FAM178B: variants seen among roughly 807,000 people sequenced by gnomAD.
FAM178B encodes family with sequence similarity 178 member B, also known as protein FAM178B.
A neutral mutation model predicts 91.7 loss-of-function variants in FAM178B; 82 were observed. That is an observed-to-expected ratio of 0.89 (90% confidence interval 0.75 to 1.07). The LOEUF is 1.07. Ranked by LOEUF, FAM178B falls within the 50% of genes least tolerant of loss-of-function variation. The probability of loss-of-function intolerance (pLI) is 0.00; values close to 1 mark genes in which losing one functional copy is unlikely to be tolerated. For missense variants in FAM178B, 769 were observed against 846.7 expected, an observed-to-expected ratio of 0.91 and a Z score of 1.14; for synonymous variants, 368 against 359.4, an observed-to-expected ratio of 1.02 and a Z score of -0.27.
intron 12 of FAM178B, among the ~76,000 whole-genome samples, chr2:96,910,554 T>C (rs1373607622): frequency 6.6e-6 from 1 of 152,224 alleles, no homozygotes; most frequent in Non-Finnish European, 1.5e-5. Context: ...CAAAAGTAAC[T>C]ACACAGAAAC....
At chr2:96,934,547 A>G (rs2153372073) in intron 8 of FAM178B, among the ~76,000 whole-genome samples, 1 of 152,284 alleles carries the variant, frequency 6.6e-6, no homozygotes, top group Admixed American at 6.5e-5. Context: ...TCCCCACACT[A>G]TGACATATCC....
chr2:96,904,541 A>ATTT (rs11284849), intron 12 of FAM178B, among the ~76,000 whole-genome samples: 7 of 96,648 alleles, frequency 7.2e-5, no homozygotes, highest in Non-Finnish European at 1.4e-4. Context: ...ATGCCTGGCT[A>ATTT]TTTTTTTTTT....
chr2:96,928,134 A>G (rs1387960645), intron 9 of FAM178B, among the ~76,000 whole-genome samples: 1 of 152,126 alleles, frequency 6.6e-6, no homozygotes, highest in Non-Finnish European at 1.5e-5. Context: ...CCCACTTTCC[A>G]TGCAGAGGAA....
rs965221029 is a variant in FAM178B, at chr2:96,953,030, G to A, written c.888-1546C>T. ...CAAAGATTATCCTCTGAGCCAAGCTGCTGTCTCTCTGAGAATGTCCAGGCA... is the reference window on the plus strand; with the variant it reads ...CAAAGATTATCCTCTGAGCCAAGCTACTGTCTCTCTGAGAATGTCCAGGCA... On this transcript the variant is annotated intron_variant, in intron 6 of 16. Coordinates refer to ENST00000490605, the MANE Select transcript of FAM178B (RefSeq NM_001122646.3). 2.0e-5 allele frequency among the ~76,000 whole-genome samples: 3 copies of A among 152,192 alleles called. No homozygotes were observed. In the East Asian group the frequency reaches 5.8e-4, roughly 29 times the overall value.
Position 96,950,563 on chromosome 2 carries a change from C to T in FAM178B, c.993+816G>A, listed in dbSNP as rs374203602. Among the ~76,000 whole-genome samples the T allele has an allele frequency of 1.5e-4, 23 of 152,252 alleles. No individual in the cohort carries two copies. The South Asian group carries it at 4.6e-3, about 30-fold the overall frequency. ...CAGGCTCCAACTGGCAGGAATGGGA[C>T]CAGCTGGAACTTGTGACCCACCTGT... On this transcript the variant is annotated intron_variant, in intron 7 of 16. Transcript: ENST00000490605.
At chr2:96,969,041 C>A (rs2082182927) in intron 4 of FAM178B, among the ~76,000 whole-genome samples, 1 of 152,198 alleles carries the variant, frequency 6.6e-6, no homozygotes. Context: ...CATCTGGGAG[C>A]CTTTTCCGAC....
At chr2:96,927,731 T>G (rs561815393) in intron 9 of FAM178B, among the ~76,000 whole-genome samples, 1 of 152,198 alleles carries the variant, frequency 6.6e-6, no homozygotes, top group South Asian at 2.1e-4. Flanking sequence ...CGGGAGGCAG[T>G]GGGGGAAGCA....
intron 12 of FAM178B, among the ~76,000 whole-genome samples, chr2:96,914,678 C>G (rs1001808444): frequency 6.6e-6 from 1 of 152,152 alleles, no homozygotes; most frequent in Non-Finnish European, 1.5e-5. Flanking sequence ...CACTTGAGCC[C>G]AGGGGTCTAA....
In FAM178B at chr2:96,904,714, A is replaced by T. The variant is rs533172101; in HGVS notation, c.1563-2007T>A. Among the ~76,000 whole-genome samples the T allele has an allele frequency of 4.0e-5, 6 of 151,870 alleles. No homozygotes were observed. The South Asian group carries it at 1.2e-3, about 32-fold the overall frequency. On this transcript the variant is annotated intron_variant, in intron 12 of 16. Transcript: ENST00000490605. Reference sequence around the variant, plus strand: ...CAGCCAACAGGGTCTCATTTATATGAGGTACAAACATGGGCATGCCAGCTA... The same window carrying T: ...CAGCCAACAGGGTCTCATTTATATGTGGTACAAACATGGGCATGCCAGCTA...
intron 1 of FAM178B, among the ~76,000 whole-genome samples, chr2:96,983,872 T>C (rs1574333414): frequency 6.6e-6 from 1 of 152,264 alleles, no homozygotes; most frequent in South Asian, 2.1e-4. Flanking sequence ...TTTATTACTA[T>C]ACAATATTTC....
At chr2:96,922,234 C>G (rs1389121051) in intron 10 of FAM178B, among the ~76,000 whole-genome samples, 1 of 152,216 alleles carries the variant, frequency 6.6e-6, no homozygotes, top group Non-Finnish European at 1.5e-5. Context: ...ATTGCCCACC[C>G]CTTTCCCAGA....
At chr2:96,904,955 G>C (rs2081003374) in intron 12 of FAM178B, among the ~76,000 whole-genome samples, 1 of 151,936 alleles carries the variant, frequency 6.6e-6, no homozygotes, top group African/African-American at 2.4e-5. Flanking sequence ...GTAGAGACAG[G>C]TTTCAACATC....
rs369259778 is a variant in FAM178B at position 96,972,058 on chromosome 2, C to A, written c.407G>T (p.Gly136Val). ...SREAPAQRWVGVVGPQGLRRL... is the reference protein window; with the variant it reads ...SREAPAQRWVVVVGPQGLRRL... ...CCTCAGGCCCTGGGGGCCCACCACA[C>A]CCACCCACCTCTGGGCCGGGGCCTC... The change falls in exon 3 of 17, where the codon GGT becomes GTT. Residue 136 changes from glycine to valine, a missense_variant. Physicochemically the swap from Gly to Val is moderately radical, Grantham distance 109 (BLOSUM62 -3). Transcript: ENST00000490605. 1.1e-4 allele frequency: 166 copies of A among 1,548,546 alleles called. No homozygotes were observed. The East Asian group carries it at 1.4e-3, about 13-fold the overall frequency.
At chr2:96,927,948 C>A (rs952619180) in intron 9 of FAM178B, among the ~76,000 whole-genome samples, 1 of 152,212 alleles carries the variant, frequency 6.6e-6, no homozygotes, top group African/African-American at 2.4e-5. Context: ...CAGCTCTGTG[C>A]CAGGAGGAGG....
intron 8 of FAM178B, among the ~76,000 whole-genome samples, chr2:96,943,006 A>G (rs1372619800): frequency 6.6e-6 from 1 of 152,206 alleles, no homozygotes; most frequent in Non-Finnish European, 1.5e-5. Flanking sequence ...CTCAAAATGG[A>G]TCAAAGACCT....
intron 1 of FAM178B, chr2:96,977,950 C>A: frequency 8.7e-6 from 2 of 229,314 alleles, no homozygotes; most frequent in Non-Finnish European, 1.8e-5. Context: ...GTGGGGCGGG[C>A]GGGGGAGGGG....
At chr2:96,980,035 C>A (rs2082341680) in intron 1 of FAM178B, among the ~76,000 whole-genome samples, 1 of 152,008 alleles carries the variant, frequency 6.6e-6, no homozygotes, top group Admixed American at 6.6e-5. Flanking sequence ...TAAATGTTTG[C>A]CATTCTAGTC....
chr2:96,920,885 G>A (rs1314039172), intron 12 of FAM178B, among the ~76,000 whole-genome samples: 1 of 152,244 alleles, frequency 6.6e-6, no homozygotes, highest in Non-Finnish European at 1.5e-5. Context: ...AGGAGCTGAA[G>A]ACTGGGGAGG....
chr2:96,908,341 A>G lies in FAM178B; in HGVS notation c.1563-5634T>C, dbSNP rs540641104. ...GAGAGGCCCCACAAACCAGGTGTTG[A>G]GCCAAGGAAGCCAGACCCAAGGGAG... On this transcript the variant is annotated intron_variant, in intron 12 of 16. Transcript: ENST00000490605. 2.0e-5 allele frequency among the ~76,000 whole-genome samples: 3 copies of G among 152,226 alleles called. No homozygotes were observed. The East Asian group carries it at 5.8e-4, about 29-fold the overall frequency.
Sources: allele counts gnomAD v4.1 joint callset (sites outside exome capture counted in the v4.1 genomes callset), GRCh38; gene constraint gnomAD v4.1.1; transcripts MANE v1.5; gene names NCBI Gene and HGNC (gene_info 2026-07-23, HGNC 2026-07-21).